DLG2: variants seen among roughly 807,000 people sequenced by gnomAD.
DLG2 encodes the protein disks large homolog 2.
Under a neutral mutation model 132.5 loss-of-function variants are expected in DLG2, and 45 were observed. That is an observed-to-expected ratio of 0.34 (90% CI 0.27 to 0.44). The LOEUF (loss-of-function observed/expected upper bound fraction) is 0.44, where lower values mean the gene tolerates loss of function less well. Ranked by LOEUF, DLG2 falls within the 20% of genes least tolerant of loss-of-function variation. The pLI, the probability that DLG2 is intolerant of heterozygous loss-of-function variation, is 1.00. For missense variants in DLG2, 1,045 were observed against 1,196.9 expected (o/e 0.87, Z 1.87); for synonymous variants, 424 against 419.6 (o/e 1.01, Z -0.13).
chr11:84,799,876 G>A (rs1038124668), intron 6 of DLG2, among the ~76,000 whole-genome samples: 4 of 152,082 alleles, frequency 2.6e-5, no homozygotes, highest in Non-Finnish European at 2.9e-5. Context: ...AGCAGTAACA[G>A]TAATAAATAA....
intron 7 of DLG2, among the ~76,000 whole-genome samples, chr11:84,262,202 T>A (rs2097556447): frequency 6.6e-6 from 1 of 152,118 alleles, no homozygotes; most frequent in Admixed American, 6.6e-5. Flanking sequence ...GAGCCAAGGC[T>A]CACTCCTCTT....
At chr11:85,580,684 A>G (rs2078455349) in intron 3 of DLG2, among the ~76,000 whole-genome samples, 1 of 152,202 alleles carries the variant, frequency 6.6e-6, no homozygotes, top group Non-Finnish European at 1.5e-5. Context: ...AAGTCATACA[A>G]CTTGCAAGTG....
intron 4 of DLG2, among the ~76,000 whole-genome samples, chr11:85,278,507 G>A (rs191177739): frequency 2.0e-4 from 31 of 152,160 alleles, no homozygotes; most frequent in African/African-American, 7.5e-4. Flanking sequence ...GGCTGAGGCG[G>A]GAGAATCGCT....
chr11:84,963,612 T>G (rs571086407), intron 6 of DLG2, among the ~76,000 whole-genome samples: 1 of 152,292 alleles, frequency 6.6e-6, no homozygotes, highest in African/African-American at 2.4e-5. Context: ...ATGGCTATAG[T>G]TAACAGCTTA....
At chr11:84,819,665 GAGA>G (rs2077464427) in intron 6 of DLG2, among the ~76,000 whole-genome samples, 1 of 151,826 alleles carries the variant, frequency 6.6e-6, no homozygotes, top group African/African-American at 2.4e-5. Flanking sequence ...ACCTGCCAAG[GAGA>G]AGAATTTAAC....
At chr11:85,252,169 C>T (rs1452833506) in intron 4 of DLG2, among the ~76,000 whole-genome samples, 1 of 152,162 alleles carries the variant, frequency 6.6e-6, no homozygotes, top group African/African-American at 2.4e-5. Context: ...CCCAAGGAAA[C>T]ATTCACAACT....
chr11:85,534,221 T>C (rs909080931), intron 3 of DLG2, among the ~76,000 whole-genome samples: 9 of 152,186 alleles, frequency 5.9e-5, no homozygotes, highest in Non-Finnish European at 1.0e-4. Flanking sequence ...AGTGCTGACA[T>C]TAAAAGTGTG....
intron 3 of DLG2, among the ~76,000 whole-genome samples, chr11:85,534,672 TG>T (rs2075450548): frequency 6.6e-6 from 1 of 152,210 alleles, no homozygotes. Context: ...ACAAAGAACA[TG>T]ATTATAGCTG....
intron 19 of DLG2, among the ~76,000 whole-genome samples, chr11:83,556,123 C>G (rs472415): frequency 0.42 from 63,812 of 151,896 alleles, 13,971 homozygotes; most frequent in African/African-American, 0.52. Context: ...GAGAAGACTT[C>G]TTTCTGCTCA....
At chr11:84,977,792 C>T (rs1157061913) in intron 6 of DLG2, among the ~76,000 whole-genome samples, 2 of 152,000 alleles carry the variant, frequency 1.3e-5, no homozygotes, top group African/African-American at 4.8e-5. Context: ...ACAGGGAATT[C>T]CTGATAAATA....
intron 3 of DLG2, among the ~76,000 whole-genome samples, chr11:85,356,349 G>A (rs2083688602): frequency 6.6e-6 from 1 of 152,064 alleles, no homozygotes; most frequent in African/African-American, 2.4e-5. Context: ...TTCAAACTGA[G>A]GAGTAACAGA....
At chr11:85,131,752 T>C (rs2075727227) in intron 5 of DLG2, among the ~76,000 whole-genome samples, 1 of 152,128 alleles carries the variant, frequency 6.6e-6, no homozygotes, top group African/African-American at 2.4e-5. Context: ...TTTAAGGTCA[T>C]ACTATGGGGA....
At chr11:84,557,064 T>A (rs1171319953) in intron 6 of DLG2, among the ~76,000 whole-genome samples, 1 of 152,214 alleles carries the variant, frequency 6.6e-6, no homozygotes. Context: ...TCCCCAATAG[T>A]CTTACTACAT....
intron 4 of DLG2, among the ~76,000 whole-genome samples, chr11:85,167,940 G>A (rs1045460209): frequency 2.8e-4 from 43 of 152,052 alleles, no homozygotes; most frequent in Admixed American, 8.5e-4. Flanking sequence ...TTTAAACTAA[G>A]TAGTTCTCCT....
At chr11:83,944,146 T>C (rs1001788639) in intron 14 of DLG2, among the ~76,000 whole-genome samples, 3 of 147,722 alleles carry the variant, frequency 2.0e-5, no homozygotes, top group Non-Finnish European at 4.4e-5. Context: ...AAAATAAAGC[T>C]AAAAATGACT....
chr11:83,627,238 G>T (rs184235362), intron 19 of DLG2, among the ~76,000 whole-genome samples: 321 of 150,318 alleles, frequency 2.1e-3, no homozygotes, highest in African/African-American at 7.2e-3. Context: ...TTAACTTTTA[G>T]GGTACATGTG....
chr11:83,557,395 G>A (rs1050817570), intron 19 of DLG2, among the ~76,000 whole-genome samples: 9 of 152,188 alleles, frequency 5.9e-5, no homozygotes, highest in Non-Finnish European at 7.3e-5. Flanking sequence ...ACCACAGAGC[G>A]AAGGGAAAAT....
chr11:84,735,006 T>A (rs1299833183), intron 6 of DLG2, among the ~76,000 whole-genome samples: 2 of 152,200 alleles, frequency 1.3e-5, no homozygotes, highest in African/African-American at 4.8e-5. Context: ...TCATGGTGGA[T>A]AAGCTTTTTG....
At chr11:83,850,150 GTGTGTGTGTGTT>G (rs1450312020) in intron 16 of DLG2, among the ~76,000 whole-genome samples, 6 of 133,868 alleles carry the variant, frequency 4.5e-5, no homozygotes, top group Admixed American at 2.2e-4. Flanking sequence ...GTGTGTGTGT[GTGTGTGTGTGTT>G]TTTTTACTTG....
Sources: allele counts gnomAD v4.1 joint callset (sites outside exome capture counted in the v4.1 genomes callset), GRCh38; gene constraint gnomAD v4.1.1; transcripts MANE v1.5; gene names NCBI Gene and HGNC (gene_info 2026-07-23, HGNC 2026-07-21).